The following PTPRN2 variants were observed in gnomAD, a reference collection of about 807,000 sequenced individuals.
PTPRN2 encodes the protein receptor-type tyrosine-protein phosphatase N2.
A neutral mutation model predicts 118.8 loss-of-function variants in PTPRN2; 74 were observed. That is an observed-to-expected ratio of 0.62 (90% CI 0.52 to 0.76). The LOEUF (loss-of-function observed/expected upper bound fraction) is 0.76. Among genes scored for constraint, PTPRN2 ranks in the 30% least tolerant of loss-of-function variants. The pLI is 0.00. For synonymous variants in PTPRN2, 641 were observed against 608.0 expected (o/e 1.05, Z -0.80); for missense variants, 1,481 against 1,394.4 (o/e 1.06, Z -0.99).
chr7:157,952,824 A>G (rs1800919325), intron 11 of PTPRN2, among the ~76,000 whole-genome samples: 1 of 152,012 alleles, frequency 6.6e-6, no homozygotes, highest in Non-Finnish European at 1.5e-5. Flanking sequence ...CTCTGAACAC[A>G]CTTGCTTGCT....
intron 1 of PTPRN2, among the ~76,000 whole-genome samples, chr7:158,519,732 A>C (rs1269591218): frequency 1.3e-5 from 2 of 152,082 alleles, no homozygotes; most frequent in African/African-American, 4.8e-5. Context: ...CCATCATATA[A>C]GGACTTTCTC....
At chr7:158,033,744 C>T (rs551103799) in intron 11 of PTPRN2, among the ~76,000 whole-genome samples, 12 of 148,958 alleles carry the variant, frequency 8.1e-5, no homozygotes, top group Non-Finnish European at 1.5e-5. Context: ...TCGATAGAAA[C>T]TCTGCACTCT....
chr7:158,081,436 T>G (rs1812837030), intron 10 of PTPRN2, 59 bp from the exon 11 acceptor site: 1 of 1,514,962 alleles, frequency 6.6e-7, no homozygotes, highest in Non-Finnish European at 9.2e-7. Context: ...ACCGCTTTTC[T>G]GAAAACGACA....
At chr7:158,368,958 G>A (rs1354975948) in intron 2 of PTPRN2, among the ~76,000 whole-genome samples, 1 of 152,156 alleles carries the variant, frequency 6.6e-6, no homozygotes, top group Non-Finnish European at 1.5e-5. Flanking sequence ...CGTTGCCGAA[G>A]GAGATTCACA....
At chr7:158,360,111 A>T (rs867866048) in intron 2 of PTPRN2, among the ~76,000 whole-genome samples, 1 of 82,858 alleles carries the variant, frequency 1.2e-5, no homozygotes. Flanking sequence ...CAGACCCCAC[A>T]TCCACCCTCA....
chr7:158,298,051 T>C (rs12673721), intron 3 of PTPRN2, among the ~76,000 whole-genome samples: 36,077 of 152,196 alleles, frequency 0.24, 4,985 homozygotes, highest in East Asian at 0.41. Context: ...GATTCTTGAA[T>C]TCAATTTACC....
rs549451708 is a variant in PTPRN2 at position 158,346,009 on chromosome 7, T to G, written c.164-29077A>C. On this transcript the variant is annotated intron_variant, in intron 2 of 22. Coordinates refer to ENST00000389418, the MANE Select transcript of PTPRN2 (RefSeq NM_002847.5). ...CAGGTCCCTCCCCAACGCTGGGGAT[T>G]ACAACTCAAGGTGAGATGTGGGTGG... Among the ~76,000 whole-genome samples the G allele has an allele frequency of 3.1e-3, 470 of 152,334 alleles. 1 individual carries two copies. The highest frequency in any genetic ancestry group is 5.1e-3 in the Non-Finnish European group (347 of 68,036).
chr7:158,251,843 T>C (rs4909057), intron 3 of PTPRN2, among the ~76,000 whole-genome samples: 123,908 of 152,142 alleles, frequency 0.81, 51,039 homozygotes, highest in African/African-American at 0.94. Context: ...GCCCAGAGTA[T>C]GCTCAGCACA....
chr7:158,332,817 A>C (rs1346261921), intron 2 of PTPRN2, among the ~76,000 whole-genome samples: 2 of 145,392 alleles, frequency 1.4e-5, no homozygotes, highest in Non-Finnish European at 3.0e-5. Flanking sequence ...ACTCACGTAC[A>C]CACTTCTCAC....
chr7:157,564,731 G>C (rs935011980), intron 21 of PTPRN2, among the ~76,000 whole-genome samples: 1 of 152,216 alleles, frequency 6.6e-6, no homozygotes, highest in Admixed American at 6.5e-5. Flanking sequence ...AAACCACATT[G>C]AGATCCACTC....
chr7:158,323,815 C>T (rs1435788882), intron 2 of PTPRN2, among the ~76,000 whole-genome samples: 3 of 152,210 alleles, frequency 2.0e-5, no homozygotes, highest in Admixed American at 2.0e-4. Flanking sequence ...GCATACCTCC[C>T]TCCAACCTTA....
At chr7:158,189,644 A>T (rs1825604842) in intron 5 of PTPRN2, among the ~76,000 whole-genome samples, 1 of 152,238 alleles carries the variant, frequency 6.6e-6, no homozygotes, top group Non-Finnish European at 1.5e-5. Context: ...GAGTCTCTGA[A>T]ACTTTTAATG....
intron 11 of PTPRN2, among the ~76,000 whole-genome samples, chr7:158,080,762 C>T (rs990980724): frequency 6.6e-6 from 1 of 152,160 alleles, no homozygotes; most frequent in East Asian, 1.9e-4. Context: ...ATTCGCAATG[C>T]CCAGAACCCT....
chr7:158,062,038 G>A (rs1268764812), intron 11 of PTPRN2, among the ~76,000 whole-genome samples: 1 of 152,268 alleles, frequency 6.6e-6, no homozygotes, highest in Non-Finnish European at 1.5e-5. Context: ...CTCATTCCAC[G>A]GGGTGAGCAT....
intron 11 of PTPRN2, among the ~76,000 whole-genome samples, chr7:157,992,894 C>T (rs996661877): frequency 4.6e-5 from 7 of 152,260 alleles, no homozygotes; most frequent in Admixed American, 4.6e-4. Context: ...CCACGCAGGC[C>T]CCTTGAAGGG....
At chr7:157,549,139 C>A in intron 21 of PTPRN2, 120 bp from the exon 22 acceptor site, 1 of 955,554 alleles carries the variant, frequency 1.0e-6, no homozygotes, top group South Asian at 1.4e-5. Context: ...TTATTACGCT[C>A]ATCCCTCAGC....
chr7:158,026,365 C>T (rs941566051), intron 11 of PTPRN2, among the ~76,000 whole-genome samples: 7 of 152,114 alleles, frequency 4.6e-5, no homozygotes, highest in African/African-American at 1.2e-4. Context: ...ACCATAATAA[C>T]GCAAAGCAAA....
At chr7:157,577,576 G>T (rs1210453339) in intron 18 of PTPRN2, among the ~76,000 whole-genome samples, 1 of 152,132 alleles carries the variant, frequency 6.6e-6, no homozygotes, top group Admixed American at 6.5e-5. Context: ...GAGGCCACAC[G>T]GCTCAGGCAC....
chr7:158,345,016 C>T (rs192529539), intron 2 of PTPRN2, among the ~76,000 whole-genome samples: 21 of 152,206 alleles, frequency 1.4e-4, no homozygotes, highest in Middle Eastern at 3.4e-3. Flanking sequence ...AAGTATGGTG[C>T]GGACACCTGG....
Sources: allele counts gnomAD v4.1 joint callset (sites outside exome capture counted in the v4.1 genomes callset), GRCh38; gene constraint gnomAD v4.1.1; transcripts MANE v1.5; gene names NCBI Gene and HGNC (gene_info 2026-07-23, HGNC 2026-07-21).